GALNTL5: variants seen among roughly 807,000 people sequenced by gnomAD.
GALNTL5 encodes polypeptide N-acetylgalactosaminyltransferase like 5, also known as inactive polypeptide N-acetylgalactosaminyltransferase-like protein 5.
In GALNTL5, 44 loss-of-function variants were observed where a neutral mutation model predicts 51.0. That is an observed-to-expected ratio of 0.86 (90% CI 0.68 to 1.11). GALNTL5 has a LOEUF of 1.11. GALNTL5 is among the 50% of genes least tolerant of loss of function. The pLI is 0.00. For missense variants in GALNTL5, 528 were observed against 531.8 expected (o/e 0.99, Z 0.07); for synonymous variants, 192 against 182.8 (o/e 1.05, Z -0.41).
chr7:151,973,856 G>A lies in GALNTL5; in HGVS notation c.368+2791G>A, dbSNP rs528891847. ...TGTTGAATTGTAATCCTCAGGTGTCGAGGGAGGGGCCAGGTGGGAGGTGAT... is the reference window on the plus strand; with the variant it reads ...TGTTGAATTGTAATCCTCAGGTGTCAAGGGAGGGGCCAGGTGGGAGGTGAT... On this transcript the variant is annotated intron_variant, in intron 3 of 8. Coordinates refer to ENST00000392800, the MANE Select transcript of GALNTL5 (RefSeq NM_145292.4). Among the ~76,000 whole-genome samples the A allele has an allele frequency of 2.6e-3, 396 of 152,190 alleles. 4 individuals carry two copies. The highest frequency in any genetic ancestry group is 8.9e-3 in the African/African-American group (370 of 41,522).
At chr7:151,977,969 CT>C in intron 3 of GALNTL5, among the ~76,000 whole-genome samples, 1 of 152,034 alleles carries the variant, frequency 6.6e-6, no homozygotes, top group Non-Finnish European at 1.5e-5. Context: ...ATTGTTTTGT[CT>C]TTCAAAAAGC....
chr7:152,007,122 A>G (rs2081654971), intron 6 of GALNTL5, among the ~76,000 whole-genome samples: 1 of 152,200 alleles, frequency 6.6e-6, no homozygotes, highest in Non-Finnish European at 1.5e-5. Flanking sequence ...ATTGGTGGAC[A>G]AAACAAGATG....
intron 4 of GALNTL5, among the ~76,000 whole-genome samples, chr7:151,986,545 G>A (rs920602067): frequency 6.6e-6 from 1 of 151,904 alleles, no homozygotes; most frequent in Non-Finnish European, 1.5e-5. Flanking sequence ...TGAGGCACGA[G>A]GATTGCTTGA....
chr7:151,996,293 G>C (rs1407546506), intron 5 of GALNTL5, among the ~76,000 whole-genome samples: 2 of 151,786 alleles, frequency 1.3e-5, no homozygotes, highest in Non-Finnish European at 2.9e-5. Flanking sequence ...GTGCCATGCT[G>C]GTGTGCTGCA....
At position 151,971,077 on chromosome 7, in the gene GALNTL5, CTCTCTTTCTCTCAT is replaced by C; in HGVS notation, c.368+18_368+31del. On this transcript the variant is annotated intron_variant, in intron 3 of 8. Transcript: ENST00000392800. ...ACCAGGAGTAAAATGTATGTTGTCT[CTCTCTTTCTCTCAT>C]TCTCTAGATAGATAGATAGATAGAT... 6.3e-7 allele frequency: 1 copy of C among 1,592,242 alleles called. No individual in the cohort carries two copies. The highest frequency in any genetic ancestry group is 8.6e-7 in the Non-Finnish European group (1 of 1,163,190).
intron 1 of GALNTL5, among the ~76,000 whole-genome samples, chr7:151,965,584 G>A (rs555912607): frequency 5.8e-4 from 88 of 152,170 alleles, no homozygotes; most frequent in Non-Finnish European, 9.3e-4. Context: ...AAAAATCAGC[G>A]TTAACAGTAG....
Position 152,012,944 on chromosome 7 carries a change from A to G in GALNTL5, c.1027-1700A>G, listed in dbSNP as rs117579596. ...CAGAGCAAGACTCAGTCTCAAAAAA[A>G]CAAAAACAAAAACCAGTGGACTGGA... On this transcript the variant is annotated intron_variant, in intron 7 of 8. Coordinates refer to ENST00000392800, the MANE Select transcript of GALNTL5 (RefSeq NM_145292.4). Among the ~76,000 whole-genome samples, 1,417 of 152,256 alleles carry G rather than the reference A, an allele frequency of 9.3e-3. 9 individuals carry two copies. Among genetic ancestry groups the G allele is most frequent in the Non-Finnish European group, 0.015 (1,008 of 67,990 alleles).
intron 3 of GALNTL5, among the ~76,000 whole-genome samples, chr7:151,981,641 T>C (rs1456501212): frequency 1.5e-5 from 2 of 135,238 alleles, no homozygotes; most frequent in Non-Finnish European, 3.1e-5. Context: ...TCCCTTTCTC[T>C]CTCTCTCTCT....
rs567079838 is a variant in GALNTL5 at position 151,989,481 on chromosome 7, A to G, written c.658+2200A>G. On this transcript the variant is annotated intron_variant, in intron 5 of 8. Transcript: ENST00000392800. ...ATGGATTTTATAATTGATTTTCATAACTTGTTTAGCCATTTCTGAATAGGT... is the reference window on the plus strand; with the variant it reads ...ATGGATTTTATAATTGATTTTCATAGCTTGTTTAGCCATTTCTGAATAGGT... Among the ~76,000 whole-genome samples, 5 of 152,248 alleles carry G rather than the reference A, an allele frequency of 3.3e-5. No homozygotes were observed. In the South Asian group the frequency reaches 1.0e-3, roughly 32 times the overall value.
At chr7:151,962,894 C>G (rs1222789888) in intron 1 of GALNTL5, among the ~76,000 whole-genome samples, 2 of 152,172 alleles carry the variant, frequency 1.3e-5, no homozygotes, top group Non-Finnish European at 2.9e-5. Flanking sequence ...CAGGAGTGAG[C>G]CACCATGCCC....
At chr7:151,966,113 T>C (rs1211957061) in intron 1 of GALNTL5, among the ~76,000 whole-genome samples, 2 of 152,194 alleles carry the variant, frequency 1.3e-5, no homozygotes, top group Non-Finnish European at 2.9e-5. Context: ...ACACCCTACT[T>C]GCTTTTTGCA....
chr7:151,972,777 T>C (rs2081160668), intron 3 of GALNTL5, among the ~76,000 whole-genome samples: 3 of 152,124 alleles, frequency 2.0e-5, no homozygotes. Context: ...CCACCTAGAA[T>C]TCAGAGGATA....
chr7:151,958,965 G>A (rs1327470357), intron 1 of GALNTL5, among the ~76,000 whole-genome samples: 1 of 152,172 alleles, frequency 6.6e-6, no homozygotes, highest in East Asian at 1.9e-4. Context: ...GAATGGGGAA[G>A]TACATGCTGG....
At chr7:152,013,492 T>C (rs867314594) in intron 7 of GALNTL5, among the ~76,000 whole-genome samples, 21 of 152,330 alleles carry the variant, frequency 1.4e-4, no homozygotes, top group Admixed American at 1.3e-4. Flanking sequence ...ATCCATTGTA[T>C]CGCTAAAGTG....
At chr7:152,001,072 A>AT (rs57116736) in intron 5 of GALNTL5, among the ~76,000 whole-genome samples, 78,647 of 144,206 alleles carry the variant, frequency 0.55, 24,868 homozygotes, top group Non-Finnish European at 0.74. Context: ...CACCTGGCTA[A>AT]TTTTTTTTTT....
At chr7:151,962,327 T>C (rs541987160) in intron 1 of GALNTL5, among the ~76,000 whole-genome samples, 3 of 152,042 alleles carry the variant, frequency 2.0e-5, no homozygotes, top group Non-Finnish European at 2.9e-5. Flanking sequence ...ACGGAGTTCT[T>C]AGACTTCTAT....
At chr7:151,959,550 G>A (rs554804068) in intron 1 of GALNTL5, among the ~76,000 whole-genome samples, 6 of 152,132 alleles carry the variant, frequency 3.9e-5, no homozygotes, top group African/African-American at 1.4e-4. Flanking sequence ...GTGTCCTGGG[G>A]GATATTCCTG....
chr7:152,006,519 G>A (rs912008241), intron 6 of GALNTL5, among the ~76,000 whole-genome samples: 1 of 152,120 alleles, frequency 6.6e-6, no homozygotes, highest in Non-Finnish European at 1.5e-5. Flanking sequence ...CCCCACACCC[G>A]ACCCATAAGC....
In GALNTL5 at chr7:152,006,590, T is replaced by G. The variant is rs538563947; in HGVS notation, c.909-1237T>G. Among the ~76,000 whole-genome samples the G allele has an allele frequency of 5.4e-4, 82 of 152,232 alleles. 1 individual carries two copies. Among genetic ancestry groups the G allele is most frequent in the Non-Finnish European group, 1.0e-4 (7 of 68,014 alleles). ...ATTCAACCGCATCTTACTACCTACA[T>G]TGCTGCATTCTTATCCCGGATCCCA... On this transcript the variant is annotated intron_variant, in intron 6 of 8. Coordinates refer to ENST00000392800, the MANE Select transcript of GALNTL5 (RefSeq NM_145292.4).
Sources: allele counts gnomAD v4.1 joint callset (sites outside exome capture counted in the v4.1 genomes callset), GRCh38; gene constraint gnomAD v4.1.1; transcripts MANE v1.5; gene names NCBI Gene and HGNC (gene_info 2026-07-23, HGNC 2026-07-21).